Variants in HNRNPLL observed in about 807,000 individuals in gnomAD.
The protein encoded by HNRNPLL is heterogeneous nuclear ribonucleoprotein L like, also known as heterogeneous nuclear ribonucleoprotein L-like.
HNRNPLL carries 25 observed loss-of-function variants against 67.1 expected under a neutral mutation model. The observed-to-expected ratio is 0.37, with a 90% confidence interval of 0.27 to 0.52. The LOEUF (loss-of-function observed/expected upper bound fraction) is 0.52, where lower values mean the gene tolerates loss of function less well. Ranked by LOEUF, HNRNPLL falls within the 20% of genes least tolerant of loss-of-function variation. The pLI, the probability that HNRNPLL is intolerant of heterozygous loss-of-function variation, is 0.90. For synonymous variants in HNRNPLL, 267 were observed against 241.7 expected (o/e 1.10, Z -0.97); for missense variants, 542 against 673.9 (o/e 0.80, Z 2.17).
At position 38,568,267 on chromosome 2, in the gene HNRNPLL, T is replaced by C; in HGVS notation, c.1505A>G (p.Glu502Gly). Reference protein sequence around the residue: ...PSAKTLSGLLEWECKTDAVEA... With the variant: ...PSAKTLSGLLGWECKTDAVEA... ...TACTGCATCAGTTTTGCACTCCCATTCTAATAGCCCAGAAAGTGTTTTGGC... is the reference window on the plus strand; with the variant it reads ...TACTGCATCAGTTTTGCACTCCCATCCTAATAGCCCAGAAAGTGTTTTGGC... The change falls in exon 12 of 13, where the codon GAA becomes GGA. Residue 502 changes from glutamate (E) to glycine (G), a missense_variant. This residue lies in a region of HNRNPLL where 415 missense variants were observed against 575.2 expected (regional missense o/e 0.72). Coordinates refer to ENST00000449105, the MANE Select transcript of HNRNPLL (RefSeq NM_138394.4). 6.2e-7 allele frequency: 1 copy of C among 1,613,662 alleles called. No homozygotes were observed. Among genetic ancestry groups the C allele is most frequent in the Admixed American group, 1.7e-5 (1 of 60,008 alleles).
intron 12 of HNRNPLL, among the ~76,000 whole-genome samples, chr2:38,567,406 G>T (rs1665909566): frequency 6.6e-6 from 1 of 152,100 alleles, no homozygotes; most frequent in Non-Finnish European, 1.5e-5. Flanking sequence ...GTGAGTCACA[G>T]TGCCTAGCCA....
Position 38,569,892 on chromosome 2 carries a change from G to C in HNRNPLL, c.1126C>G (p.Leu376Val), listed in dbSNP as rs769801749. 1 of 1,591,334 alleles carries C rather than the reference G, an allele frequency of 6.3e-7. No homozygotes were observed. Among genetic ancestry groups the C allele is most frequent in the Non-Finnish European group, 8.6e-7 (1 of 1,162,878 alleles). ...GCATACTCATCACCCATTTCTACCA[G>C]TGCTGTACCAGGAATGGTCTTCATA... Reference protein sequence around the residue: ...KFMKTIPGTALVEMGDEYAVE... With the variant: ...KFMKTIPGTAVVEMGDEYAVE... The change falls in exon 9 of 13, where the codon CTG becomes GTG. Residue 376 changes from leucine (L) to valine (V), a missense_variant. Transcript: ENST00000449105.
chr2:38,582,205 G>A lies in HNRNPLL; in HGVS notation c.633-37C>T, dbSNP rs753704832. 9 of 1,347,428 alleles carry A rather than the reference G, an allele frequency of 6.7e-6. No individual in the cohort carries two copies. The Admixed American group carries it at 1.3e-4, about 20-fold the overall frequency. 83.5% of individuals were successfully genotyped at this position (1,347,428 alleles called of 1,614,324 possible). On this transcript the variant is annotated intron_variant, in intron 4 of 12. Transcript: ENST00000449105. ...TAAGGAAATTCGGTTTAAGGTATCT[G>A]ATACTTAATCATTATTCACTCCCAA...
chr2:38,585,497 G>T, intron 3 of HNRNPLL, 147 bp downstream of exon 3: 11 of 598,688 alleles, frequency 1.8e-5, no homozygotes, highest in Middle Eastern at 4.5e-4. Context: ...TTTTTTCTTT[G>T]TTCATTAAAC....
At chr2:38,588,004 A>G (rs1039574690) in intron 2 of HNRNPLL, among the ~76,000 whole-genome samples, 2 of 151,770 alleles carry the variant, frequency 1.3e-5, no homozygotes, top group African/African-American at 4.8e-5. Flanking sequence ...CCTGCTGGCT[A>G]TGTAAAGATG....
intron 12 of HNRNPLL, chr2:38,566,184 G>C (rs1245570621): frequency 1.9e-6 from 1 of 527,804 alleles, no homozygotes; most frequent in African/African-American, 2.1e-5. Flanking sequence ...CCTGGCCAAC[G>C]TGGTGAAACC....
At position 38,602,734 on chromosome 2, in the gene HNRNPLL, G is replaced by A. The variant is rs1667504327; in HGVS notation, c.-108C>T. 3 of 1,490,840 alleles carry A rather than the reference G, an allele frequency of 2.0e-6. No homozygotes were observed. Among genetic ancestry groups the A allele is most frequent in the Non-Finnish European group, 2.7e-6 (3 of 1,119,850 alleles). 92.4% of individuals were successfully genotyped at this position (1,490,840 alleles called of 1,614,324 possible). On this transcript the variant is annotated 5_prime_UTR_variant, in exon 1 of 13. Coordinates refer to ENST00000449105, the MANE Select transcript of HNRNPLL (RefSeq NM_138394.4). The stretch of plus-strand genomic sequence containing the variant: ...CCGCCGGCAGCGCCTCTTCTGCGAG[G>A]GTCTCCGCGGCCCGGCCGTCCGCGG...
chr2:38,599,811 A>G, intron 1 of HNRNPLL: 1 of 454,682 alleles, frequency 2.2e-6, no homozygotes, highest in Non-Finnish European at 4.5e-6. Flanking sequence ...ATCATAAAAA[A>G]CCAAGCAATG....
In HNRNPLL at chr2:38,602,611, A is replaced by G. The variant is rs1193943120; in HGVS notation, c.16T>C (p.Ser6Pro). 2 of 1,558,812 alleles carry G rather than the reference A, an allele frequency of 1.3e-6. No individual in the cohort carries two copies. The part of the protein sequence containing the change: MSSSS[S>P]SPRETYEEDR... ...TCCTCGTACGTCTCCCTGGGGGAGG[A>G]AGAGGAGGAGGACATGGCGGCGGCC... is the stretch of plus-strand genomic sequence containing the variant. The change falls in exon 1 of 13, where the codon TCC becomes CCC. Residue 6 changes from serine to proline, a missense_variant. By Grantham distance (74) the Ser-to-Pro change is moderately conservative. This residue lies in a region of HNRNPLL where 127 missense variants were observed against 98.7 expected (regional missense o/e 1.29). Coordinates refer to ENST00000449105, the MANE Select transcript of HNRNPLL (RefSeq NM_138394.4).
At chr2:38,600,944 A>G (rs1034124095) in intron 1 of HNRNPLL, among the ~76,000 whole-genome samples, 3 of 152,174 alleles carry the variant, frequency 2.0e-5, no homozygotes, top group Admixed American at 6.5e-5. Flanking sequence ...AATCTGATTT[A>G]AGTATCTTTC....
intron 8 of HNRNPLL, among the ~76,000 whole-genome samples, chr2:38,570,781 T>C (rs1573723865): frequency 6.6e-6 from 1 of 152,038 alleles, no homozygotes; most frequent in Non-Finnish European, 1.5e-5. Context: ...TGGCTCACAC[T>C]TGTAATCCCA....
rs1292740822 is a variant in HNRNPLL at position 38,563,513 on chromosome 2, G to A, written c.*669C>T. ...ATGAAAATGAACACATTAACTCATT[G>A]TTATAACTTTATAAAATCTCCAAAC... On this transcript the variant is annotated 3_prime_UTR_variant, in exon 13 of 13. Coordinates refer to ENST00000449105, the MANE Select transcript of HNRNPLL (RefSeq NM_138394.4). 6.6e-6 allele frequency: 1 copy of A among 151,956 alleles called. No homozygotes were observed. The highest frequency in any genetic ancestry group is 1.9e-4 in the East Asian group (1 of 5,196). 9.4% of individuals were successfully genotyped at this position (151,956 alleles called of 1,614,324 possible).
At chr2:38,574,890 C>A (rs1461266228) in intron 7 of HNRNPLL, among the ~76,000 whole-genome samples, 2 of 151,818 alleles carry the variant, frequency 1.3e-5, no homozygotes, top group Non-Finnish European at 3.0e-5. Context: ...CTCATACACA[C>A]ACCAAGATTC....
chr2:38,577,898 C>T (rs1237131210), intron 6 of HNRNPLL: 2 of 474,618 alleles, frequency 4.2e-6, no homozygotes, highest in East Asian at 6.8e-5. Flanking sequence ...GCTTTAAGTG[C>T]AGTACTTTTG....
At chr2:38,577,034 A>G (rs1201485034) in intron 7 of HNRNPLL, among the ~76,000 whole-genome samples, 1 of 151,900 alleles carries the variant, frequency 6.6e-6, no homozygotes, top group African/African-American at 2.4e-5. Flanking sequence ...CTATAAGGTG[A>G]GTCTAACCAG....
intron 1 of HNRNPLL, among the ~76,000 whole-genome samples, chr2:38,595,791 C>G (rs993236693): frequency 5.9e-5 from 9 of 152,154 alleles, no homozygotes; most frequent in African/African-American, 2.2e-4. Context: ...TTGCAGTGAG[C>G]TGAGATCGCG....
chr2:38,598,351 G>C (rs780521081), intron 1 of HNRNPLL, among the ~76,000 whole-genome samples: 3 of 152,152 alleles, frequency 2.0e-5, no homozygotes, highest in Non-Finnish European at 2.9e-5. Context: ...CATGGAAAGA[G>C]AATCAAGTCC....
At chr2:38,569,962 T>C (rs752326643) in intron 8 of HNRNPLL, 37 bp from the exon 9 acceptor site, 1 of 1,508,556 alleles carries the variant, frequency 6.6e-7, no homozygotes, top group Non-Finnish European at 9.0e-7. Flanking sequence ...GACCATTTAA[T>C]TCCCTTTTAC....
chr2:38,595,001 G>T (rs1003184975), intron 1 of HNRNPLL, among the ~76,000 whole-genome samples: 1 of 151,796 alleles, frequency 6.6e-6, no homozygotes, highest in African/African-American at 2.4e-5. Flanking sequence ...TATTAGCCAG[G>T]CGTGGTGGCT....
Sources: allele counts gnomAD v4.1 joint callset (sites outside exome capture counted in the v4.1 genomes callset), GRCh38; gene constraint gnomAD v4.1.1; regional missense constraint gnomAD v4.1.1; transcripts MANE v1.5; gene names NCBI Gene and HGNC (gene_info 2026-07-23, HGNC 2026-07-21).